MAPK9: variants seen among roughly 807,000 people sequenced by gnomAD.
MAPK9 encodes the protein Jun kinase.
A neutral mutation model predicts 57.1 loss-of-function variants in MAPK9; 30 were observed. The ratio of observed to expected loss-of-function variants is 0.53; its 90% CI spans 0.39 to 0.71. MAPK9 has a LOEUF of 0.71. Among genes scored for constraint, MAPK9 ranks in the 30% least tolerant of loss-of-function variants. MAPK9 has a pLI of 0.00. For synonymous variants in MAPK9, 155 were observed against 177.0 expected (o/e 0.88, Z 0.99); for missense variants, 362 against 521.0 (o/e 0.69, Z 2.97).
At chr5:180,269,475 T>C in intron 2 of MAPK9, 66 bp from the exon 3 acceptor site, 2 of 1,422,146 alleles carry the variant, frequency 1.4e-6, no homozygotes, top group Non-Finnish European at 2.0e-6. Flanking sequence ...AATGCCAGAA[T>C]ATACATTGAA....
rs761177254 is a variant in MAPK9 at position 180,237,251 on chromosome 5, T to C, written c.1133-725A>G. The C allele has an allele frequency of 2.9e-4, 44 of 152,228 alleles. 1 individual carries two copies. Among genetic ancestry groups the C allele is most frequent in the Non-Finnish European group, 5.3e-4 (36 of 68,046 alleles). The allele number at this position is 152,228 out of a possible 1,614,324, so 9.4% of individuals were successfully genotyped here. A position where few individuals can be genotyped will look rare whatever the true frequency, so the allele number is the denominator to read the frequency against. ...CTGAAGTTATATAATCTCTAGATGC[T>C]TGACACATACGTCATGTTGAACATA... is the stretch of plus-strand genomic sequence containing the variant. On this transcript the variant is annotated intron_variant, in intron 11 of 11. Transcript: ENST00000452135.
rs1561822645 is a variant in MAPK9, at chr5:180,267,346, G to C, written c.252+1934C>G. On this transcript the variant is annotated intron_variant, in intron 3 of 11. Coordinates refer to ENST00000452135, the MANE Select transcript of MAPK9 (RefSeq NM_002752.5). ...GGACGCCGAGGCAGGCAGATCACGA[G>C]GTCAGGAGATCGAGACCATCCTGGC... Among the ~76,000 whole-genome samples the C allele has an allele frequency of 3.9e-5, 6 of 152,118 alleles. No individual in the cohort carries two copies. The South Asian group carries it at 1.0e-3, about 26-fold the overall frequency.
intron 3 of MAPK9, among the ~76,000 whole-genome samples, chr5:180,266,936 A>G (rs1382464977): frequency 6.6e-6 from 1 of 152,224 alleles, no homozygotes; most frequent in Non-Finnish European, 1.5e-5. Flanking sequence ...AGTGAGAAAC[A>G]AAACAATCTA....
rs982460874 is a variant in MAPK9, at chr5:180,280,415, C to T, written c.122+25G>A. On this transcript the variant is annotated intron_variant, in intron 2 of 11. Coordinates refer to ENST00000452135, the MANE Select transcript of MAPK9 (RefSeq NM_002752.5). ...TTTATTACAGCAAAAACTCAATCCA[C>T]GCTATTAAAACAGACCATACTTACC... 13 of 1,598,990 alleles carry T rather than the reference C, an allele frequency of 8.1e-6. No homozygotes were observed. In the East Asian group the frequency reaches 1.8e-4, roughly 22 times the overall value.
intron 5 of MAPK9, among the ~76,000 whole-genome samples, chr5:180,256,340 G>A (rs1561805449): frequency 6.7e-6 from 1 of 150,096 alleles, no homozygotes; most frequent in South Asian, 2.1e-4. Context: ...AAAGGATGGT[G>A]CAGTCCACAC....
At chr5:180,241,009 T>C (rs1757599160) in intron 9 of MAPK9, 22 bp downstream of exon 9, 1 of 1,607,536 alleles carries the variant, frequency 6.2e-7, no homozygotes, top group African/African-American at 1.3e-5. Flanking sequence ...TCTATATAAA[T>C]CTTTTCAAAA....
rs1756981772 is a variant in MAPK9 at position 180,233,592 on chromosome 5, CATTT to C, written c.*2788_*2791del. 6.6e-6 allele frequency: 1 copy of C among 152,182 alleles called. No homozygotes were observed. Among genetic ancestry groups the C allele is most frequent in the African/African-American group, 2.4e-5 (1 of 41,426 alleles). The allele number at this position is 152,182 out of a possible 1,614,324, so 9.4% of individuals were successfully genotyped here. On this transcript the variant is annotated 3_prime_UTR_variant, in exon 12 of 12. Transcript: ENST00000452135. ...ACACACAAAAATTGGACATGCTATACATTTATCTTTTAAAATGTAGTCTGTATTA... is the reference window on the plus strand; with the variant it reads ...ACACACAAAAATTGGACATGCTATACATCTTTTAAAATGTAGTCTGTATTA...
At chr5:180,268,269 G>T (rs896436255) in intron 3 of MAPK9, among the ~76,000 whole-genome samples, 1 of 152,100 alleles carries the variant, frequency 6.6e-6, no homozygotes, top group Non-Finnish European at 1.5e-5. Context: ...GATTTCTGTG[G>T]AGCTTCCAAG....
chr5:180,256,757 G>A (rs905478660), intron 5 of MAPK9, among the ~76,000 whole-genome samples: 2 of 152,174 alleles, frequency 1.3e-5, no homozygotes, highest in African/African-American at 2.4e-5. Context: ...GCCTGCCGAC[G>A]CTGCAGCTCT....
In MAPK9 at chr5:180,261,618, G is replaced by C. The variant is rs528735702; in HGVS notation, c.450+66C>G. 9.5e-4 allele frequency: 1,287 copies of C among 1,354,954 alleles called. 1 individual carries two copies. Among genetic ancestry groups the C allele is most frequent in the Non-Finnish European group, 1.2e-3 (1,178 of 1,007,598 alleles). 83.9% of individuals were successfully genotyped at this position (1,354,954 alleles called of 1,614,324 possible). On this transcript the variant is annotated intron_variant, in intron 5 of 11. Transcript: ENST00000452135. ...AACAATTTTTTTTAAATGTTATTTTGTATGTAAAGGATTATGACAACCAAA... is the reference window on the plus strand; with the variant it reads ...AACAATTTTTTTTAAATGTTATTTTCTATGTAAAGGATTATGACAACCAAA...
chr5:180,252,827 A>T lies in MAPK9; in HGVS notation c.451-3689T>A, dbSNP rs983101494. 2.0e-5 allele frequency among the ~76,000 whole-genome samples: 3 copies of T among 152,130 alleles called. No homozygotes were observed. In the South Asian group the frequency reaches 6.2e-4, roughly 31 times the overall value. On this transcript the variant is annotated intron_variant, in intron 5 of 11. Transcript: ENST00000452135. ...GAGAGCTGAGGGTATGAATAACAGG[A>T]AAGGGTAGGGAAAGAGCCAGCAGAG... is the stretch of plus-strand genomic sequence containing the variant.
intron 2 of MAPK9, among the ~76,000 whole-genome samples, chr5:180,272,526 A>G (rs1761433028): frequency 6.6e-6 from 1 of 152,176 alleles, no homozygotes; most frequent in South Asian, 2.1e-4. Context: ...TCCACCAGTG[A>G]TAACTGCTTT....
chr5:180,245,372 C>T (rs1428581464), intron 7 of MAPK9, among the ~76,000 whole-genome samples: 2 of 152,190 alleles, frequency 1.3e-5, no homozygotes, highest in Non-Finnish European at 1.5e-5. Context: ...CTGCCCTTGA[C>T]GATCCACCCT....
chr5:180,267,963 T>C (rs10060251), intron 3 of MAPK9, among the ~76,000 whole-genome samples: 3,114 of 152,180 alleles, frequency 0.02, 84 homozygotes, highest in African/African-American at 0.059. Flanking sequence ...CCCGGGTTCA[T>C]GCCATTCTCC....
chr5:180,268,549 C>CG (rs1398574604), intron 3 of MAPK9, among the ~76,000 whole-genome samples: 8 of 152,208 alleles, frequency 5.3e-5, no homozygotes, highest in Admixed American at 5.2e-4. Context: ...TTTTATCAGC[C>CG]GGGCGCCATG....
intron 5 of MAPK9, among the ~76,000 whole-genome samples, chr5:180,250,617 C>A (rs1758572193): frequency 6.6e-6 from 1 of 152,140 alleles, no homozygotes; most frequent in South Asian, 2.1e-4. Context: ...GTCATCAGGG[C>A]AAGCAGGAAG....
intron 2 of MAPK9, among the ~76,000 whole-genome samples, chr5:180,271,960 A>G (rs1027395667): frequency 6.6e-6 from 1 of 152,236 alleles, no homozygotes; most frequent in African/African-American, 2.4e-5. Flanking sequence ...TGCCAGTTTT[A>G]GCCTATCATT....
At chr5:180,240,953 A>T in intron 9 of MAPK9, 78 bp downstream of exon 9, 1 of 1,490,550 alleles carries the variant, frequency 6.7e-7, no homozygotes, top group Admixed American at 2.2e-5. Context: ...ATATGTAGCC[A>T]CTCTGGACGG....
chr5:180,278,804 T>C (rs1762057100), intron 2 of MAPK9, among the ~76,000 whole-genome samples: 1 of 151,982 alleles, frequency 6.6e-6, no homozygotes, highest in African/African-American at 2.4e-5. Flanking sequence ...TTTTTCTCTC[T>C]CTCTCTCGCA....
Sources: gnomAD v4.1 joint callset for allele counts (sites outside exome capture counted in the v4.1 genomes callset) on GRCh38, gnomAD v4.1.1 for gene constraint, MANE v1.5 for transcripts, NCBI Gene and HGNC (gene_info 2026-07-23, HGNC 2026-07-21) for gene names.